TMEM39B: variants seen among roughly 807,000 people sequenced by gnomAD.
TMEM39B encodes the protein transmembrane protein 39B.
TMEM39B carries 23 observed loss-of-function variants against 52.2 expected under a neutral mutation model. That is an observed-to-expected ratio of 0.44 (90% CI 0.32 to 0.62). The LOEUF is 0.62. Ranked by LOEUF, TMEM39B falls within the 20% of genes least tolerant of loss-of-function variation. The pLI, the probability that TMEM39B is intolerant of heterozygous loss-of-function variation, is 0.06. For missense variants in TMEM39B, 547 were observed against 642.0 expected (o/e 0.85, Z 1.60); for synonymous variants, 285 against 264.0 (o/e 1.08, Z -0.77).
At chr1:32,093,399 CTTTTTTTTTTTTTT>C (rs34793281) in intron 6 of TMEM39B, among the ~76,000 whole-genome samples, 1 of 50,328 alleles carries the variant, frequency 2.0e-5, no homozygotes, top group Non-Finnish European at 4.8e-5. Context: ...AAGCCCGGCC[CTTTTTTTTTTTTTT>C]TTTTTTTTTT....
At chr1:32,096,451 C>CTTTT (rs965499225) in intron 7 of TMEM39B, among the ~76,000 whole-genome samples, 4 of 105,026 alleles carry the variant, frequency 3.8e-5, no homozygotes, top group African/African-American at 8.5e-5. Context: ...CTCCTCTGGC[C>CTTTT]TTTTTTTTTT....
At chr1:32,099,892 C>T (rs1344476081) in intron 7 of TMEM39B, among the ~76,000 whole-genome samples, 1 of 152,076 alleles carries the variant, frequency 6.6e-6, no homozygotes, top group Non-Finnish European at 1.5e-5. Context: ...ACTAAAAATA[C>T]AAAAATTAGC....
At chr1:32,089,649 ATTT>A (rs776523618) in intron 5 of TMEM39B, among the ~76,000 whole-genome samples, 2 of 135,208 alleles carry the variant, frequency 1.5e-5, no homozygotes, top group African/African-American at 5.5e-5. Flanking sequence ...GTAAAAGGAG[ATTT>A]TTTTTTTTTT....
intron 3 of TMEM39B, 39 bp downstream of exon 3, chr1:32,075,861 TGTGC>T (rs950567413): frequency 2.0e-5 from 25 of 1,247,108 alleles, no homozygotes; most frequent in South Asian, 4.4e-5. Context: ...TGTGTGTGTG[TGTGC>T]GTGTGTGTGT....
intron 6 of TMEM39B, among the ~76,000 whole-genome samples, chr1:32,093,773 A>G (rs1462136322): frequency 6.7e-6 from 1 of 149,848 alleles, no homozygotes; most frequent in Non-Finnish European, 1.5e-5. Flanking sequence ...CAATCCTCCT[A>G]GCGCCTCTTG....
chr1:32,100,423 C>T lies in TMEM39B; in HGVS notation c.1116-19C>T. 3 of 1,569,166 alleles carry T rather than the reference C, an allele frequency of 1.9e-6. No individual in the cohort carries two copies. Among genetic ancestry groups the T allele is most frequent in the Middle Eastern group, 3.4e-4 (2 of 5,826 alleles). On this transcript the variant is annotated intron_variant, in intron 7 of 8. Coordinates refer to ENST00000336294, the MANE Select transcript of TMEM39B (RefSeq NM_018056.4). ...TGGGTGAGCTGGGGATAAGGGGCAC[C>T]ATTGAACTGTGCCCCCAGGTGGACT...
At chr1:32,083,409 CTTTTTTTTTTTTTT>C (rs1052027069) in intron 5 of TMEM39B, among the ~76,000 whole-genome samples, 6 of 54,620 alleles carry the variant, frequency 1.1e-4, no homozygotes, top group African/African-American at 1.6e-4. Context: ...TAAAGGACTT[CTTTTTTTTTTTTTT>C]TTTTTTTTTT....
intron 6 of TMEM39B, among the ~76,000 whole-genome samples, chr1:32,094,095 G>C (rs561742283): frequency 1.4e-5 from 2 of 147,072 alleles, no homozygotes; most frequent in East Asian, 4.0e-4. Context: ...TGGGATTACA[G>C]GTGTGAGCCA....
In TMEM39B at chr1:32,094,255, T is replaced by A. The variant is rs188082164; in HGVS notation, c.928-529T>A. ...TATTCTTCTGCCTCAGCCTCCTGAG[T>A]AGCTGGGACTACAGGCACACGCCAC... On this transcript the variant is annotated intron_variant, in intron 6 of 8. Transcript: ENST00000336294. Among the ~76,000 whole-genome samples, 72 of 149,766 alleles carry A rather than the reference T, an allele frequency of 4.8e-4. No homozygotes were observed. The East Asian group carries it at 0.012, about 26-fold the overall frequency.
intron 5 of TMEM39B, among the ~76,000 whole-genome samples, chr1:32,086,276 G>A (rs993463631): frequency 6.6e-6 from 1 of 152,154 alleles, no homozygotes; most frequent in Non-Finnish European, 1.5e-5. Flanking sequence ...TCAAGGCAGA[G>A]TCTCTCTTGG....
Position 32,079,997 on chromosome 1 carries a change from C to T in TMEM39B, c.590+2679C>T, listed in dbSNP as rs983877345. On this transcript the variant is annotated intron_variant, in intron 5 of 8. Coordinates refer to ENST00000336294, the MANE Select transcript of TMEM39B (RefSeq NM_018056.4). ...TTGGTCAGGCTGGTCTCAGGTGATC[C>T]GCCTGCCTTGGCCTCCCAAAGTGCT... Among the ~76,000 whole-genome samples, 3 of 151,728 alleles carry T rather than the reference C, an allele frequency of 2.0e-5. 1 individual carries two copies. In the South Asian group the frequency reaches 6.3e-4, roughly 32 times the overall value.
intron 1 of TMEM39B, chr1:32,073,829 CGTGGGGT>C: frequency 3.0e-6 from 3 of 985,248 alleles, no homozygotes; most frequent in Non-Finnish European, 3.6e-6. Flanking sequence ...GATGCTACGG[CGTGGGGT>C]GTATGTGAAT....
rs1423481352 is a variant in TMEM39B, at chr1:32,075,633, T to G, written c.162T>G (p.Pro54=). Residue 54 remains proline (P), a synonymous_variant, in exon 3 of 9, where the codon CCT becomes CCG. Coordinates refer to ENST00000336294, the MANE Select transcript of TMEM39B (RefSeq NM_018056.4). ...RSSSGTGLSS[P]PLATQTVVPL... ...GTTCTGGAACAGGCCTCTCCAGCCC[T>G]CCTCTGGCCACCCAAACTGTTGTGC... The G allele has an allele frequency of 6.4e-7, 1 of 1,551,574 alleles. No homozygotes were observed. Among genetic ancestry groups the G allele is most frequent in the South Asian group, 1.2e-5 (1 of 84,036 alleles).
chr1:32,088,394 G>A (rs1025495438), intron 5 of TMEM39B, among the ~76,000 whole-genome samples: 1 of 152,026 alleles, frequency 6.6e-6, no homozygotes, highest in African/African-American at 2.4e-5. Flanking sequence ...TCCAGCCTGG[G>A]TGACAGAGCC....
At position 32,086,542 on chromosome 1, in the gene TMEM39B, G is replaced by A. The variant is rs867625296; in HGVS notation, c.591-5133G>A. On this transcript the variant is annotated intron_variant, in intron 5 of 8. Coordinates refer to ENST00000336294, the MANE Select transcript of TMEM39B (RefSeq NM_018056.4). ...AGCACTTTGAGAGACTGAGGCAGGC[G>A]GATGGCTTGAGCTCAGGAGTTTGAG... Among the ~76,000 whole-genome samples the A allele has an allele frequency of 2.0e-5, 3 of 152,176 alleles. 1 individual carries two copies. The highest frequency in any genetic ancestry group is 2.9e-5 in the Non-Finnish European group (2 of 68,008).
rs41306615 is a variant in TMEM39B at position 32,102,469 on chromosome 1, C to T, written c.1275C>T (p.Leu425=). 5.5e-3 allele frequency: 8,904 copies of T among 1,614,170 alleles called. 37 individuals are homozygous for T. The highest frequency in any genetic ancestry group is 6.7e-3 in the Non-Finnish European group (7,855 of 1,180,004). The part of the protein sequence containing the change: ...FSKPLRILNI[L]LLLEGAVIVY... The stretch of plus-strand genomic sequence containing the variant: ...AACCCCTGCGGATCCTCAACATCCT[C>T]CTGCTGCTGGAGGGCGCTGTCATTG... Residue 425 remains leucine (L), a synonymous_variant, in exon 9 of 9, where the codon CTC becomes CTT. Coordinates refer to ENST00000336294, the MANE Select transcript of TMEM39B (RefSeq NM_018056.4).
intron 7 of TMEM39B, 152 bp downstream of exon 7, chr1:32,095,123 G>A (rs184657804): frequency 5.5e-6 from 5 of 901,590 alleles, no homozygotes; most frequent in East Asian, 2.7e-5. Context: ...GTGGGGTATG[G>A]TGGGGCCTGA....
chr1:32,099,257 T>A (rs1281091285), intron 7 of TMEM39B, among the ~76,000 whole-genome samples: 1 of 146,972 alleles, frequency 6.8e-6, no homozygotes, highest in Admixed American at 6.8e-5. Flanking sequence ...ACTCATAGGT[T>A]GGAATTGAAC....
In TMEM39B at chr1:32,102,723, C is replaced by CTT. The variant is rs1641066616; in HGVS notation, c.*51_*52insTT. On this transcript the variant is annotated 3_prime_UTR_variant, in exon 9 of 9. Transcript: ENST00000336294. The stretch of plus-strand genomic sequence containing the variant: ...CGTCCAGGCTTCAGCCAAGGGCTCC[C>CTT]TGGCAAGGGGCTGTTGGGTAGAAGT... 7.0e-7 allele frequency: 1 copy of CTT among 1,418,662 alleles called. No homozygotes were observed. Among genetic ancestry groups the CTT allele is most frequent in the Non-Finnish European group, 9.3e-7 (1 of 1,078,558 alleles). 87.9% of individuals were successfully genotyped at this position (1,418,662 alleles called of 1,614,324 possible).
Sources: allele counts gnomAD v4.1 joint callset (sites outside exome capture counted in the v4.1 genomes callset), GRCh38; gene constraint gnomAD v4.1.1; transcripts MANE v1.5; gene names NCBI Gene and HGNC (gene_info 2026-07-23, HGNC 2026-07-21).